The following PLCL2 variants were observed in gnomAD, a reference collection of about 807,000 sequenced individuals.
The protein encoded by PLCL2 is phospholipase C like 2.
A neutral mutation model predicts 79.6 loss-of-function variants in PLCL2; 4 were observed. That is an observed-to-expected ratio of 0.05 (90% confidence interval 0.02 to 0.11). The LOEUF is 0.11. Ranked by LOEUF, PLCL2 falls within the 10% of genes least tolerant of loss-of-function variation. PLCL2 has a pLI of 1.00. For synonymous variants in PLCL2, 484 were observed against 457.7 expected (o/e 1.06, Z -0.73); for missense variants, 895 against 1,291.0 (o/e 0.69, Z 4.70).
intron 1 of PLCL2, among the ~76,000 whole-genome samples, chr3:16,947,904 T>A (rs1187785176): frequency 6.6e-6 from 1 of 152,252 alleles, no homozygotes; most frequent in Admixed American, 6.5e-5. Flanking sequence ...CAATAATTAT[T>A]GTCTTTTCAT....
chr3:16,898,442 A>T, intron 1 of PLCL2, among the ~76,000 whole-genome samples: 1 of 152,332 alleles, frequency 6.6e-6, no homozygotes, highest in East Asian at 1.9e-4. Flanking sequence ...AAAAGATTTT[A>T]AAATAGTTAA....
intron 1 of PLCL2, among the ~76,000 whole-genome samples, chr3:16,977,873 C>T (rs1265653059): frequency 6.6e-6 from 1 of 152,134 alleles, no homozygotes; most frequent in Non-Finnish European, 1.5e-5. Context: ...TTAGGACTGC[C>T]CTCTGCTTCA....
chr3:17,069,785 A>T (rs1183782135), intron 5 of PLCL2, among the ~76,000 whole-genome samples: 1 of 152,176 alleles, frequency 6.6e-6, no homozygotes, highest in South Asian at 2.1e-4. Context: ...ACTTATTTTT[A>T]TAATTAAGAT....
In PLCL2 at chr3:16,915,197, A is replaced by G. The variant is rs531439465; in HGVS notation, c.327+29831A>G. On this transcript the variant is annotated intron_variant, in intron 1 of 5. Coordinates refer to ENST00000615277, the MANE Select transcript of PLCL2 (RefSeq NM_001144382.2). The stretch of plus-strand genomic sequence containing the variant: ...TAACATAAGCTGAGCAATGCATAAC[A>G]TTAGTGAACATTCTTCTCGCTATGA... Among the ~76,000 whole-genome samples the G allele has an allele frequency of 2.7e-4, 41 of 152,244 alleles. 1 individual carries two copies. Among genetic ancestry groups the G allele is most frequent in the Non-Finnish European group, 5.1e-4 (35 of 68,038 alleles).
intron 5 of PLCL2, among the ~76,000 whole-genome samples, chr3:17,070,682 G>A (rs112201443): frequency 7.2e-4 from 110 of 152,196 alleles, no homozygotes; most frequent in Middle Eastern, 6.8e-3. Context: ...GTGAATTTAG[G>A]TCTAAGTTGA....
chr3:16,928,573 G>A (rs1164978531), intron 1 of PLCL2, among the ~76,000 whole-genome samples: 1 of 152,186 alleles, frequency 6.6e-6, no homozygotes, highest in South Asian at 2.1e-4. Context: ...GCTGCAGAGA[G>A]GAAGCTGCAA....
At chr3:17,022,484 C>T (rs2064466300) in intron 3 of PLCL2, among the ~76,000 whole-genome samples, 1 of 151,868 alleles carries the variant, frequency 6.6e-6, no homozygotes, top group South Asian at 2.1e-4. Flanking sequence ...CTGTCAAGGA[C>T]CCTTACAGGA....
chr3:16,993,917 T>G (rs1008940811), intron 1 of PLCL2, among the ~76,000 whole-genome samples: 1 of 152,156 alleles, frequency 6.6e-6, no homozygotes, highest in Admixed American at 6.5e-5. Flanking sequence ...GCATATTATT[T>G]AAAACATGAG....
At chr3:17,046,147 G>A (rs974887915) in intron 4 of PLCL2, among the ~76,000 whole-genome samples, 3 of 152,168 alleles carry the variant, frequency 2.0e-5, no homozygotes, top group Admixed American at 6.5e-5. Flanking sequence ...AAGCCCAGGC[G>A]AACACATGCA....
intron 1 of PLCL2, among the ~76,000 whole-genome samples, chr3:16,983,276 A>T (rs1395992255): frequency 6.6e-6 from 1 of 152,194 alleles, no homozygotes; most frequent in Non-Finnish European, 1.5e-5. Flanking sequence ...CCAAGTTTAA[A>T]CGTCTATAAT....
Position 17,011,662 on chromosome 3 carries a change from A to G in PLCL2, c.2316A>G (p.Ser772=). The change falls in exon 2 of 6, where the codon TCA becomes TCG. Residue 772 remains serine, a synonymous_variant. Transcript: ENST00000615277. The surrounding 1 kb of genome is among the most constrained non-coding windows in gnomAD (Gnocchi z 7.9). ...AGAACTTTCCCAAGCCCAAAGGATC[A>G]GGTGCCAAAGGTGATGTGGTAGATC... ...SGQNFPKPKG[S]GAKGDVVDPY... is the part of the protein sequence containing the mutation. 1.2e-6 allele frequency: 2 copies of G among 1,614,120 alleles called. No homozygotes were observed. The highest frequency in any genetic ancestry group is 2.2e-5 in the East Asian group (1 of 44,866).
rs1380003409 is a variant in PLCL2 at position 17,090,025 on chromosome 3, A to T, written c.*113A>T. ...AATAATATTCGGGATTTTAAAGCAC[A>T]ACTGGAATAGCTAATTACAGTCTAT... On this transcript the variant is annotated 3_prime_UTR_variant, in exon 6 of 6. Coordinates refer to ENST00000615277, the MANE Select transcript of PLCL2 (RefSeq NM_001144382.2). 2 of 1,426,668 alleles carry T rather than the reference A, an allele frequency of 1.4e-6. No individual in the cohort carries two copies. Among genetic ancestry groups the T allele is most frequent in the Non-Finnish European group, 1.8e-6 (2 of 1,086,242 alleles). The allele number at this position is 1,426,668 out of a possible 1,614,324, so 88.4% of individuals were successfully genotyped here.
At chr3:16,985,372 GTAAAC>G (rs1559508489) in intron 1 of PLCL2, among the ~76,000 whole-genome samples, 1 of 152,012 alleles carries the variant, frequency 6.6e-6, no homozygotes, top group East Asian at 1.9e-4. Flanking sequence ...TTGAATTGAA[GTAAAC>G]TAAAGGCCAA....
chr3:16,956,853 T>C (rs1327268603), intron 1 of PLCL2, among the ~76,000 whole-genome samples: 1 of 152,242 alleles, frequency 6.6e-6, no homozygotes, highest in Non-Finnish European at 1.5e-5. Flanking sequence ...GTAGTCTGTA[T>C]TTCTGTGGGA....
intron 5 of PLCL2, among the ~76,000 whole-genome samples, 168 bp from the exon 6 acceptor site, chr3:17,089,565 A>C (rs1271487945): frequency 6.6e-6 from 1 of 152,160 alleles, no homozygotes; most frequent in Non-Finnish European, 1.5e-5. Flanking sequence ...GGGAAAACAA[A>C]CTCACTTTTT....
At chr3:17,038,138 T>C (rs1179687825) in intron 3 of PLCL2, among the ~76,000 whole-genome samples, 2 of 152,192 alleles carry the variant, frequency 1.3e-5, no homozygotes, top group Non-Finnish European at 2.9e-5. Context: ...AATCTTATAT[T>C]AGAGGTGATC....
chr3:16,897,946 A>G (rs953422377), intron 1 of PLCL2, among the ~76,000 whole-genome samples: 1 of 152,196 alleles, frequency 6.6e-6, no homozygotes, highest in Non-Finnish European at 1.5e-5. Flanking sequence ...ACTGGACTGC[A>G]CAAATTATTA....
At chr3:16,916,221 A>C (rs1368564729) in intron 1 of PLCL2, among the ~76,000 whole-genome samples, 1 of 152,184 alleles carries the variant, frequency 6.6e-6, no homozygotes, top group Non-Finnish European at 1.5e-5. Context: ...ATATAAGACT[A>C]TTCAGCCCCT....
chr3:16,894,127 T>G (rs984286958), intron 1 of PLCL2, among the ~76,000 whole-genome samples: 1 of 152,236 alleles, frequency 6.6e-6, no homozygotes, highest in Non-Finnish European at 1.5e-5. Context: ...CTTTTATTTT[T>G]TATTCTAAAC....
Sources: gnomAD v4.1 joint callset for allele counts (sites outside exome capture counted in the v4.1 genomes callset) on GRCh38, gnomAD v4.1.1 for gene constraint, Gnocchi (gnomAD v3.1) non-coding constraint, MANE v1.5 for transcripts, NCBI Gene and HGNC (gene_info 2026-07-23, HGNC 2026-07-21) for gene names.